The following TCF4 variants were observed in gnomAD, a reference collection of about 807,000 sequenced individuals.
The protein encoded by TCF4 is transcription factor 4.
TCF4 carries 3 observed loss-of-function variants against 82.1 expected under a neutral mutation model. The ratio of observed to expected loss-of-function variants is 0.04; its 90% confidence interval spans 0.02 to 0.09. The LOEUF (loss-of-function observed/expected upper bound fraction) is 0.09, where lower values mean the gene tolerates loss of function less well. Ranked by LOEUF, TCF4 falls within the 10% of genes least tolerant of loss-of-function variation. The pLI, the probability that TCF4 is intolerant of heterozygous loss-of-function variation, is 1.00. For missense variants in TCF4, 518 were observed against 852.7 expected, an observed-to-expected ratio of 0.61 and a Z score of 4.89; for synonymous variants, 276 against 309.6, an observed-to-expected ratio of 0.89 and a Z score of 1.14.
chr18:55,425,199 C>T (rs1354046726), intron 5 of TCF4, among the ~76,000 whole-genome samples: 1 of 152,190 alleles, frequency 6.6e-6, no homozygotes, highest in Admixed American at 6.5e-5. Context: ...TACCTAAAAT[C>T]TGCATGCCAT....
intron 3 of TCF4, among the ~76,000 whole-genome samples, chr18:55,568,063 A>T (rs937230554): frequency 6.6e-6 from 1 of 152,002 alleles, no homozygotes; most frequent in Non-Finnish European, 1.5e-5. Context: ...AACCTATGTA[A>T]TACAGTCACC....
At chr18:55,236,331 T>C (rs888505931) in intron 15 of TCF4, among the ~76,000 whole-genome samples, 4 of 152,204 alleles carry the variant, frequency 2.6e-5, no homozygotes, top group South Asian at 2.1e-4. Context: ...GTGCTTCAAA[T>C]GTACTGAGAC....
At chr18:55,297,558 T>A (rs2066910286) in intron 8 of TCF4, among the ~76,000 whole-genome samples, 1 of 152,184 alleles carries the variant, frequency 6.6e-6, no homozygotes, top group Admixed American at 6.5e-5. Context: ...AGGAAAGTAG[T>A]TAGCTCCTCT....
chr18:55,291,581 G>T (rs539768083), intron 8 of TCF4, among the ~76,000 whole-genome samples: 9 of 152,140 alleles, frequency 5.9e-5, no homozygotes, highest in African/African-American at 2.2e-4. Context: ...GAAAACAAAA[G>T]CATGAAATAA....
chr18:55,340,351 C>G (rs921916485), intron 8 of TCF4, among the ~76,000 whole-genome samples: 1 of 151,808 alleles, frequency 6.6e-6, no homozygotes, highest in Non-Finnish European at 1.5e-5. Context: ...GGGCTGACTA[C>G]GTGTCTTGGT....
At chr18:55,569,629 G>A (rs1429952470) in intron 3 of TCF4, among the ~76,000 whole-genome samples, 1 of 151,702 alleles carries the variant, frequency 6.6e-6, no homozygotes, top group Non-Finnish European at 1.5e-5. Flanking sequence ...AAAATATACT[G>A]GTAATAATAG....
At chr18:55,405,028 C>A (rs1010014550) in intron 5 of TCF4, among the ~76,000 whole-genome samples, 2 of 152,244 alleles carry the variant, frequency 1.3e-5, no homozygotes, top group Non-Finnish European at 2.9e-5. Context: ...GACTGTCAGT[C>A]TTAGAAGATC....
chr18:55,267,271 T>G (rs543366040), intron 11 of TCF4: 1 of 152,308 alleles, frequency 6.6e-6, no homozygotes, highest in Admixed American at 6.5e-5. Context: ...CAACGTAATA[T>G]TTCTTTACTT....
chr18:55,426,636 T>C (rs1297494052), intron 5 of TCF4, among the ~76,000 whole-genome samples: 1 of 152,204 alleles, frequency 6.6e-6, no homozygotes, highest in Admixed American at 6.5e-5. Context: ...TAGTGTATAT[T>C]TGTGATGTTT....
chr18:55,555,808 GT>G (rs200481449), intron 3 of TCF4, among the ~76,000 whole-genome samples: 3,233 of 152,208 alleles, frequency 0.021, 68 homozygotes, highest in Non-Finnish European at 0.026. Context: ...TCCATTATCG[GT>G]GTACATTTAA....
intron 8 of TCF4, among the ~76,000 whole-genome samples, chr18:55,348,802 G>C (rs1010375332): frequency 2.0e-5 from 3 of 152,122 alleles, no homozygotes; most frequent in African/African-American, 7.2e-5. Context: ...AGGAGGGTAT[G>C]ATAGCTTTAA....
chr18:55,298,867 GA>G (rs962060025), intron 8 of TCF4, among the ~76,000 whole-genome samples: 100 of 150,554 alleles, frequency 6.6e-4, no homozygotes, highest in Non-Finnish European at 1.1e-3. Flanking sequence ...TTGGAGCAAA[GA>G]AAAAAAAACT....
At chr18:55,536,901 G>A (rs1013760365) in intron 3 of TCF4, among the ~76,000 whole-genome samples, 7 of 151,180 alleles carry the variant, frequency 4.6e-5, no homozygotes, top group East Asian at 4.0e-4. Context: ...TTGGGAGGCC[G>A]AGGAGGGCAG....
intron 3 of TCF4, among the ~76,000 whole-genome samples, chr18:55,538,754 C>T (rs2097140161): frequency 1.3e-5 from 2 of 152,250 alleles, no homozygotes; most frequent in South Asian, 4.2e-4. Flanking sequence ...CAAAGATGAA[C>T]ACCAAATCAC....
chr18:55,285,338 C>T (rs1437536007), intron 8 of TCF4, among the ~76,000 whole-genome samples: 1 of 152,098 alleles, frequency 6.6e-6, no homozygotes, highest in African/African-American at 2.4e-5. Context: ...GTCAAATGAA[C>T]CATTCTTGTG....
At chr18:55,495,660 G>A (rs565612924) in intron 3 of TCF4, 1 of 152,190 alleles carries the variant, frequency 6.6e-6, no homozygotes, top group South Asian at 2.1e-4. Context: ...TTGTACATTA[G>A]TTTCAATATC....
At chr18:55,580,046 G>A (rs761539256) in intron 3 of TCF4, among the ~76,000 whole-genome samples, 41 of 152,008 alleles carry the variant, frequency 2.7e-4, no homozygotes, top group Non-Finnish European at 2.7e-4. Context: ...ACAATAGTAG[G>A]GTAAGGATAA....
chr18:55,595,308 C>A (rs941233915), intron 2 of TCF4, among the ~76,000 whole-genome samples: 6 of 152,188 alleles, frequency 3.9e-5, no homozygotes, highest in African/African-American at 1.2e-4. Flanking sequence ...CGATTCAATT[C>A]ACTGTCTTTC....
At chr18:55,285,111 G>A (rs755408041) in intron 8 of TCF4, among the ~76,000 whole-genome samples, 3 of 152,158 alleles carry the variant, frequency 2.0e-5, no homozygotes, top group Non-Finnish European at 4.4e-5. Flanking sequence ...ACTGTCCTAT[G>A]TGACCAAGAT....
Sources: allele counts gnomAD v4.1 joint callset (sites outside exome capture counted in the v4.1 genomes callset), GRCh38; gene constraint gnomAD v4.1.1; transcripts MANE v1.5; gene names NCBI Gene and HGNC (gene_info 2026-07-23, HGNC 2026-07-21).